Variants in ZNF221 observed in about 807,000 individuals in gnomAD.
The protein encoded by ZNF221 is zinc finger protein 221.
A neutral mutation model predicts 12.6 loss-of-function variants in ZNF221; 10 were observed. The ratio of observed to expected loss-of-function variants is 0.79; its 90% CI spans 0.49 to 1.34. The LOEUF is 1.34. ZNF221 is among the 40% of genes most tolerant of loss of function. The probability of loss-of-function intolerance (pLI) is 0.00; values close to 1 mark genes in which losing one functional copy is unlikely to be tolerated. For synonymous variants in ZNF221, 232 were observed against 244.0 expected, an observed-to-expected ratio of 0.95 and a Z score of 0.46; for missense variants, 661 against 721.4, an observed-to-expected ratio of 0.92 and a Z score of 0.96.
chr19:43,953,638 C>T (rs1212653854), intron 1 of ZNF221, among the ~76,000 whole-genome samples: 2 of 152,258 alleles, frequency 1.3e-5, no homozygotes, highest in East Asian at 3.9e-4. Flanking sequence ...GGGTTGCCAG[C>T]CATCACTCAA....
chr19:43,968,931 G>C (rs1975037570), downstream of ZNF221, among the ~76,000 whole-genome samples: 1 of 152,226 alleles, frequency 6.6e-6, no homozygotes, highest in African/African-American at 2.4e-5. Flanking sequence ...GATACACAGA[G>C]CTGTGTGGAG....
At chr19:43,956,066 C>G (rs1296040337) in intron 1 of ZNF221, among the ~76,000 whole-genome samples, 2 of 152,172 alleles carry the variant, frequency 1.3e-5, no homozygotes, top group Non-Finnish European at 2.9e-5. Flanking sequence ...GTAGTAAATA[C>G]TCTTCAAGTC....
chr19:43,958,128 C>T (rs534092014), intron 1 of ZNF221, among the ~76,000 whole-genome samples: 15 of 152,292 alleles, frequency 9.8e-5, no homozygotes, highest in African/African-American at 3.6e-4. Context: ...CAATCAAATG[C>T]AGCTGGTTTT....
At chr19:43,968,561 G>A (rs535680053), downstream of ZNF221, among the ~76,000 whole-genome samples, 2 of 152,164 alleles carry the variant, frequency 1.3e-5, no homozygotes, top group South Asian at 2.1e-4. Context: ...TTTCAAAATT[G>A]TATCTAAAAG....
chr19:43,978,134 A>T, the ZNF221 span, among the ~76,000 whole-genome samples: 6 of 151,914 alleles, frequency 3.9e-5, no homozygotes, highest in African/African-American at 1.4e-4. Context: ...GAGATTGATT[A>T]TGTAGGTATG....
downstream of ZNF221, among the ~76,000 whole-genome samples, chr19:43,969,319 A>T (rs1323252032): frequency 7.1e-6 from 1 of 141,616 alleles, no homozygotes; most frequent in South Asian, 2.3e-4. Context: ...TTGCCAGATC[A>T]TGCCCAGACT....
chr19:43,956,117 G>A (rs1974750225), intron 1 of ZNF221, among the ~76,000 whole-genome samples: 1 of 152,146 alleles, frequency 6.6e-6, no homozygotes, highest in African/African-American at 2.4e-5. Context: ...GTCACTAGAA[G>A]GCACTCACAG....
At chr19:43,980,429 C>T in the ZNF221 span, among the ~76,000 whole-genome samples, 10 of 152,292 alleles carry the variant, frequency 6.6e-5, no homozygotes, top group Non-Finnish European at 1.3e-4. Context: ...CTTCACAAGG[C>T]CCTACAGCCA....
chr19:43,957,582 ACT>A (rs1034138994), intron 1 of ZNF221, among the ~76,000 whole-genome samples: 4 of 151,682 alleles, frequency 2.6e-5, no homozygotes, highest in Admixed American at 6.6e-5. Flanking sequence ...GAGTCCCATG[ACT>A]CTCTCTCTTT....
chr19:43,976,702 T>G, the ZNF221 span: 4 of 152,212 alleles, frequency 2.6e-5, no homozygotes, highest in Admixed American at 2.6e-4. Context: ...AACCTCAGTA[T>G]TTCTTCCCAT....
At chr19:43,953,974 C>T (rs1205855478) in intron 1 of ZNF221, among the ~76,000 whole-genome samples, 2 of 148,136 alleles carry the variant, frequency 1.4e-5, no homozygotes, top group East Asian at 2.0e-4. Flanking sequence ...CCCAGCTACT[C>T]GGGAGGCTGA....
At chr19:43,962,380 A>G (rs1266082876) in intron 1 of ZNF221, among the ~76,000 whole-genome samples, 2 of 151,966 alleles carry the variant, frequency 1.3e-5, no homozygotes, top group African/African-American at 2.4e-5. Context: ...CTATATATAC[A>G]TTTGCTTATT....
chr19:43,974,311 A>T, the ZNF221 span, among the ~76,000 whole-genome samples: 4,117 of 152,306 alleles, frequency 0.027, 133 homozygotes, highest in African/African-American at 0.079. Context: ...AATCTAGGTG[A>T]TACCATCCAG....
chr19:43,974,844 C>T, the ZNF221 span, among the ~76,000 whole-genome samples: 183 of 152,024 alleles, frequency 1.2e-3, 7 homozygotes, highest in East Asian at 0.032. Flanking sequence ...CATGGCGAAA[C>T]GAACCCCTGT....
the ZNF221 span, among the ~76,000 whole-genome samples, chr19:43,978,174 TAAG>T: frequency 0.76 from 115,551 of 151,766 alleles, 45,474 homozygotes; most frequent in Middle Eastern, 0.89. Flanking sequence ...TTCCCAACTC[TAAG>T]AAGAAGAGCA....
the ZNF221 span, chr19:43,977,545 A>G: frequency 1.3e-5 from 2 of 152,226 alleles, no homozygotes; most frequent in African/African-American, 4.8e-5. Context: ...CTAGTGACAG[A>G]AATAATGTGG....
At chr19:43,957,026 T>C (rs1486605196) in intron 1 of ZNF221, among the ~76,000 whole-genome samples, 1 of 152,194 alleles carries the variant, frequency 6.6e-6, no homozygotes, top group Non-Finnish European at 1.5e-5. Context: ...TGGTTACAGC[T>C]CAGCTTTTGC....
chr19:43,953,220 G>A (rs1004345573), intron 1 of ZNF221, among the ~76,000 whole-genome samples: 6 of 151,314 alleles, frequency 4.0e-5, no homozygotes, highest in African/African-American at 1.5e-4. Context: ...CAAAGTGCAG[G>A]GATTACAGGT....
downstream of ZNF221, among the ~76,000 whole-genome samples, chr19:43,968,672 T>C (rs447175): frequency 0.96 from 146,878 of 152,328 alleles, 71,035 homozygotes; most frequent in Middle Eastern, 1. Flanking sequence ...GCACCTTCAA[T>C]TGAAATATCT....
Sources: allele counts gnomAD v4.1 joint callset (sites outside exome capture counted in the v4.1 genomes callset), GRCh38; gene constraint gnomAD v4.1.1; transcripts MANE v1.5; gene names NCBI Gene and HGNC (gene_info 2026-07-23, HGNC 2026-07-21).